ZNF44: variants seen among roughly 807,000 people sequenced by gnomAD.
ZNF44 encodes gonadotropin inducible transcription repressor-2.
A neutral mutation model predicts 11.7 loss-of-function variants in ZNF44; 9 were observed. The observed-to-expected ratio is 0.77, with a 90% confidence interval of 0.46 to 1.35. The LOEUF is 1.35. ZNF44 is among the 40% of genes most tolerant of loss of function. ZNF44 has a pLI of 0.00. For missense variants in ZNF44, 696 were observed against 743.1 expected, an observed-to-expected ratio of 0.94 and a Z score of 0.74; for synonymous variants, 224 against 242.7, an observed-to-expected ratio of 0.92 and a Z score of 0.72.
At chr19:12,251,771 G>T (rs1271880889) in intron 5 of ZNF44, among the ~76,000 whole-genome samples, 2 of 152,094 alleles carry the variant, frequency 1.3e-5, no homozygotes, top group African/African-American at 4.8e-5. Flanking sequence ...CAGTTTACAG[G>T]CCAGGCGCGT....
chr19:12,240,275 C>A (rs928101688), upstream of ZNF44, among the ~76,000 whole-genome samples: 2 of 151,832 alleles, frequency 1.3e-5, no homozygotes, highest in African/African-American at 4.8e-5. Flanking sequence ...GAAACCCCGT[C>A]TCTACTAAAA....
chr19:12,242,509 C>CAAAA (rs779926213), upstream of ZNF44, among the ~76,000 whole-genome samples: 3 of 101,282 alleles, frequency 3.0e-5, no homozygotes, highest in African/African-American at 1.1e-4. Context: ...GACTCCGGCT[C>CAAAA]AAAAAAAAAA....
chr19:12,240,444 CAA>C (rs56300338), upstream of ZNF44, among the ~76,000 whole-genome samples: 246 of 102,334 alleles, frequency 2.4e-3, 1 homozygote, highest in African/African-American at 6.7e-3. Context: ...GATTCTATCT[CAA>C]AAAAAAAAAA....
At position 12,259,629 on chromosome 19, in the gene ZNF44, AT is replaced by A. The variant is rs1157285476; in HGVS notation, c.1913-9262del. On this transcript the variant is annotated intron_variant and NMD_transcript_variant, in intron 5 of 7. Coordinates refer to the ZNF44 transcript ENST00000393337. ...GTGTCCTCTCTAACCTGGTACTAAT[AT>A]TTTTTTTCCCCACCAGAGAGCCTGT... is the stretch of plus-strand genomic sequence containing the variant. Among the ~76,000 whole-genome samples the A allele has an allele frequency of 3.3e-5, 5 of 151,470 alleles. No individual in the cohort carries two copies. The South Asian group carries it at 6.3e-4, about 19-fold the overall frequency.
intron 5 of ZNF44, chr19:12,250,873 T>G (rs1916963794): frequency 4.4e-6 from 2 of 453,176 alleles, no homozygotes; most frequent in East Asian, 1.4e-4. Flanking sequence ...CATATTGTCC[T>G]GAGGTACTCT....
At chr19:12,278,600 C>T (rs1202213442) in intron 1 of ZNF44, among the ~76,000 whole-genome samples, 2 of 151,840 alleles carry the variant, frequency 1.3e-5, no homozygotes, top group African/African-American at 2.4e-5. Context: ...GGTATGGTGG[C>T]GCATGCCTGT....
chr19:12,233,550 C>CAAAAAAAAAAAAAAA (rs58060175), intron 2 of ZNF44, among the ~76,000 whole-genome samples: 1 of 80,852 alleles, frequency 1.2e-5, no homozygotes, highest in Non-Finnish European at 2.6e-5. Flanking sequence ...ACCCATACAT[C>CAAAAAAAAAAAAAAA]AAAAAAAAAA....
chr19:12,285,255 T>C (rs1385077520), intron 1 of ZNF44: 2 of 308,480 alleles, frequency 6.5e-6, no homozygotes, highest in Non-Finnish European at 1.2e-5. Flanking sequence ...GTATGCATTG[T>C]TTGTTTGTTT....
At chr19:12,245,568 GACTGTATC>G (rs1182753965), downstream of ZNF44, among the ~76,000 whole-genome samples, 2 of 152,144 alleles carry the variant, frequency 1.3e-5, no homozygotes, top group Non-Finnish European at 2.9e-5. Context: ...TGTTCTATGT[GACTGTATC>G]ACTGTAGCTG....
At chr19:12,248,987 A>G (rs1267995454) in intron 7 of ZNF44, among the ~76,000 whole-genome samples, 1 of 150,618 alleles carries the variant, frequency 6.6e-6, no homozygotes, top group Non-Finnish European at 1.5e-5. Context: ...ATCTTGGCTC[A>G]CTGCAACCTC....
intron 1 of ZNF44, among the ~76,000 whole-genome samples, chr19:12,290,455 C>T (rs966841462): frequency 1.3e-5 from 2 of 149,888 alleles, no homozygotes; most frequent in Non-Finnish European, 2.9e-5. Flanking sequence ...GTAATCCCAG[C>T]ACTTTGGGAG....
Position 12,273,017 on chromosome 19 carries a change from C to T in ZNF44, c.1238G>A (p.Arg413Lys), listed in dbSNP as rs779435205. 1.2e-6 allele frequency: 2 copies of T among 1,613,980 alleles called. No individual in the cohort carries two copies. Among genetic ancestry groups the T allele is most frequent in the East Asian group, 2.2e-5 (1 of 44,870 alleles). Residue 413 changes from arginine (R) to lysine (K), a missense_variant, in exon 4 of 4, where the codon AGG (arginine) becomes AAG (lysine). Physicochemically the swap from Arg to Lys is conservative, Grantham distance 26. Transcript: ENST00000355684. ...ATAGGGTTTCTCTCCAGTGTGAGTC[C>T]TTTCATGTCTTTGAAATACACTAGG... ...DSPSVFQRHE[R>K]THTGEKPYEC...
At chr19:12,248,739 G>A in intron 7 of ZNF44, 1 of 984,894 alleles carries the variant, frequency 1.0e-6, no homozygotes, top group Non-Finnish European at 1.3e-6. Context: ...TTTATTAACT[G>A]ATACTAGAAT....
At position 12,273,632 on chromosome 19, in the gene ZNF44, CAAA is replaced by C. The variant is rs1325819749; in HGVS notation, c.620_622del (p.Phe207del). 1.2e-6 allele frequency: 2 copies of C among 1,613,698 alleles called. No homozygotes were observed. The highest frequency in any genetic ancestry group is 2.2e-5 in the South Asian group (2 of 91,034). On this transcript the variant is annotated inframe_deletion, in exon 4 of 4. Transcript: ENST00000355684. ...TTCATGCATACGTAATAAACTGGGC[CAAA>C]AAAAGGCTTTCCCACACAATTCACA...
downstream of ZNF44, chr19:12,226,026 TAAC>T (rs1915903862): frequency 6.6e-6 from 1 of 152,218 alleles, no homozygotes; most frequent in Admixed American, 6.5e-5. Flanking sequence ...CACCAGGATT[TAAC>T]AACATGTGTG....
chr19:12,253,969 ACT>A (rs1212946064), intron 5 of ZNF44, among the ~76,000 whole-genome samples: 2 of 152,102 alleles, frequency 1.3e-5, no homozygotes, highest in East Asian at 1.9e-4. Flanking sequence ...ACACAGCGAG[ACT>A]CTGTCTCGAA....
intron 2 of ZNF44, among the ~76,000 whole-genome samples, chr19:12,233,952 C>T (rs375312477): frequency 2.6e-5 from 4 of 151,756 alleles, no homozygotes; most frequent in Admixed American, 2.6e-4. Flanking sequence ...ATCCCAGCTA[C>T]GCAGGAGGTT....
intron 5 of ZNF44, among the ~76,000 whole-genome samples, chr19:12,251,347 A>G (rs1167016144): frequency 7.0e-6 from 1 of 142,398 alleles, no homozygotes; most frequent in Non-Finnish European, 1.5e-5. Flanking sequence ...AAAAAAAATT[A>G]GCTGGGTGTA....
intron 1 of ZNF44, among the ~76,000 whole-genome samples, chr19:12,290,460 T>G (rs1967960356): frequency 6.7e-6 from 1 of 148,840 alleles, no homozygotes; most frequent in Admixed American, 6.7e-5. Context: ...CCCAGCACTT[T>G]GGGAGGCCAA....
Sources: allele counts gnomAD v4.1 joint callset (sites outside exome capture counted in the v4.1 genomes callset), GRCh38; gene constraint gnomAD v4.1.1; transcripts MANE v1.5; gene names NCBI Gene and HGNC (gene_info 2026-07-23, HGNC 2026-07-21).